Variants in CCDC77 observed in about 807,000 individuals in gnomAD.
CCDC77 encodes the protein coiled-coil domain-containing protein 77.
Under a neutral mutation model 66.8 loss-of-function variants are expected in CCDC77, and 56 were observed. The ratio of observed to expected loss-of-function variants is 0.84; its 90% CI spans 0.68 to 1.05. The LOEUF (loss-of-function observed/expected upper bound fraction) is 1.05, where lower values mean the gene tolerates loss of function less well. Ranked by LOEUF, CCDC77 falls within the 50% of genes least tolerant of loss-of-function variation. The pLI is 0.00. For missense variants in CCDC77, 570 were observed against 576.8 expected (o/e 0.99, Z 0.12); for synonymous variants, 196 against 195.2 (o/e 1.00, Z -0.03).
rs761262422 is a variant in CCDC77 at position 438,321 on chromosome 12, ACTTT to A, written c.822-8_822-5del. 6.3e-7 allele frequency: 1 copy of A among 1,580,560 alleles called. No homozygotes were observed. Among genetic ancestry groups the A allele is most frequent in the Non-Finnish European group, 8.7e-7 (1 of 1,153,936 alleles). On this transcript the variant is annotated splice_polypyrimidine_tract_variant and intron_variant, in intron 9 of 12. Coordinates refer to ENST00000239830, the MANE Select transcript of CCDC77 (RefSeq NM_032358.4). ...TGCGCATCCTCATGTCTGCATTTAT[ACTTT>A]CTTTCCTAGTCTTCACCACACCCAA...
At chr12:440,268 G>A (rs1287470606) in intron 10 of CCDC77, among the ~76,000 whole-genome samples, 2 of 152,194 alleles carry the variant, frequency 1.3e-5, no homozygotes, top group Admixed American at 6.5e-5. Context: ...TATAATAAGC[G>A]TTGTTGTTAA....
chr12:389,548 A>ACGGGGCGAGGCGGGGCGAGG (rs368207242), intron 1 of CCDC77: 32 of 24,338 alleles, frequency 1.3e-3, no homozygotes, highest in African/African-American at 4.5e-3. Flanking sequence ...AGGGAAGCCG[A>ACGGGGCGAGGCGGGGCGAGG]CGGGGCGAGG....
At chr12:409,630 C>T in intron 3 of CCDC77, 1 of 553,886 alleles carries the variant, frequency 1.8e-6, no homozygotes. Context: ...AATCCTCCCA[C>T]CTCAGCCTCC....
At chr12:410,930 T>G (rs1339040536) in intron 3 of CCDC77, among the ~76,000 whole-genome samples, 4 of 152,120 alleles carry the variant, frequency 2.6e-5, no homozygotes, top group African/African-American at 9.7e-5. Context: ...AAATTATCTT[T>G]TTCGTCTCTA....
intron 1 of CCDC77, among the ~76,000 whole-genome samples, chr12:396,415 G>T (rs77565550): frequency 0.037 from 5,631 of 152,148 alleles, 335 homozygotes; most frequent in African/African-American, 0.13. Flanking sequence ...AATAAAAAAG[G>T]AAAAGGAAGA....
rs991352351 is a variant in CCDC77 at position 440,752 on chromosome 12, T to A, written c.1167+10T>A. The A allele has an allele frequency of 6.8e-6, 11 of 1,613,764 alleles. No homozygotes were observed. The African/African-American group carries it at 8.0e-5, about 12-fold the overall frequency. ...GAGAGAGATCTTCAAGGTACGAAAT[T>A]ATCTGCCACTTGTAATGGAATAGGA... On this transcript the variant is annotated intron_variant, in intron 11 of 12. Coordinates refer to ENST00000239830, the MANE Select transcript of CCDC77 (RefSeq NM_032358.4).
chr12:416,984 C>T (rs1450327089), intron 4 of CCDC77, among the ~76,000 whole-genome samples: 1 of 151,834 alleles, frequency 6.6e-6, no homozygotes, highest in Non-Finnish European at 1.5e-5. Context: ...ATTAAAAATA[C>T]AAAAATTAGC....
chr12:396,890 G>A (rs1248380565), upstream of CCDC77, among the ~76,000 whole-genome samples: 1 of 152,110 alleles, frequency 6.6e-6, no homozygotes. Context: ...AAGTTTATAA[G>A]CAGGAGTGTG....
At chr12:415,406 A>ATAT (rs1565568153) in intron 4 of CCDC77, among the ~76,000 whole-genome samples, 24 of 73,896 alleles carry the variant, frequency 3.2e-4, no homozygotes, top group African/African-American at 8.1e-4. Flanking sequence ...AATCAACATA[A>ATAT]TATGTTGATA....
intron 7 of CCDC77, among the ~76,000 whole-genome samples, chr12:431,622 G>A (rs1015476813): frequency 3.9e-5 from 6 of 152,178 alleles, no homozygotes; most frequent in Admixed American, 2.0e-4. Context: ...TCTGCCAGAA[G>A]ATGAATATGA....
upstream of CCDC77, among the ~76,000 whole-genome samples, chr12:398,357 C>CT (rs2137525969): frequency 6.6e-6 from 1 of 152,250 alleles, no homozygotes; most frequent in African/African-American, 2.4e-5. Flanking sequence ...AAAGAAACCA[C>CT]TTTCTTTACT....
intron 1 of CCDC77, among the ~76,000 whole-genome samples, chr12:394,794 G>C (rs1944805336): frequency 6.6e-6 from 1 of 152,176 alleles, no homozygotes; most frequent in African/African-American, 2.4e-5. Flanking sequence ...CTAATGGGGG[G>C]AGGCAGCACA....
At chr12:404,262 G>A (rs1400029646) in intron 1 of CCDC77, among the ~76,000 whole-genome samples, 1 of 152,240 alleles carries the variant, frequency 6.6e-6, no homozygotes, top group Non-Finnish European at 1.5e-5. Context: ...GTTGCAGTGA[G>A]CCAAGATCGT....
chr12:431,978 C>T, intron 8 of CCDC77, 24 bp downstream of exon 8: 3 of 1,481,300 alleles, frequency 2.0e-6, no homozygotes, highest in East Asian at 2.3e-5. Flanking sequence ...TTTGGCAGAC[C>T]AAGATGGCTT....
intron 1 of CCDC77, chr12:390,193 G>A (rs1341887938): frequency 6.8e-6 from 1 of 147,108 alleles, no homozygotes; most frequent in Non-Finnish European, 1.5e-5. Flanking sequence ...ATGTATAATC[G>A]TGTGTCTCTC....
Position 440,973 on chromosome 12 carries a change from G to C in CCDC77, c.1297G>C (p.Asp433His). The C allele has an allele frequency of 6.2e-7, 1 of 1,612,206 alleles. No homozygotes were observed. The highest frequency in any genetic ancestry group is 8.5e-7 in the Non-Finnish European group (1 of 1,180,024). Reference protein sequence around the residue: ...DIKVLRQKLKDLEQMLYKATV... With the variant: ...DIKVLRQKLKHLEQMLYKATV... The stretch of plus-strand genomic sequence containing the variant: ...TAAAGTTCTCCGACAGAAACTGAAA[G>C]ACTTGGAGCAAATGTTGTATAAGGT... Residue 433 changes from aspartate to histidine, a missense_variant, in exon 12 of 13, where the codon GAC becomes CAC. Asp to His is a moderately conservative substitution (Grantham distance 81). Coordinates refer to ENST00000239830, the MANE Select transcript of CCDC77 (RefSeq NM_032358.4).
rs934329918 is a variant in CCDC77 at position 401,677 on chromosome 12, AG to A, written c.-77del. On this transcript the variant is annotated 5_prime_UTR_variant, in exon 1 of 13. In the 5' UTR this introduces an upstream ATG that the reference lacks. Transcript: ENST00000239830. ...GTTGCGTTCCCTGACTCGGAGTCTT[AG>A]TGTGTCGTGAGTATAGAGTTTCGGG... 1.3e-5 allele frequency: 2 copies of A among 152,212 alleles called. No homozygotes were observed. Among genetic ancestry groups the A allele is most frequent in the African/African-American group, 4.8e-5 (2 of 41,424 alleles). 9.4% of individuals were successfully genotyped at this position (152,212 alleles called of 1,614,324 possible).
At chr12:415,101 T>A (rs1591971116) in intron 4 of CCDC77, among the ~76,000 whole-genome samples, 1 of 152,032 alleles carries the variant, frequency 6.6e-6, no homozygotes, top group Admixed American at 6.6e-5. Flanking sequence ...CAGATGGCAG[T>A]GATGCAGCAT....
rs1222622216 is a variant in CCDC77, at chr12:415,281, A to G, written c.271-3213A>G. Among the ~76,000 whole-genome samples, 7 of 143,618 alleles carry G rather than the reference A, an allele frequency of 4.9e-5. No individual in the cohort carries two copies. In the East Asian group the frequency reaches 1.2e-3, roughly 24 times the overall value. The allele number at this position is 143,618 out of a possible 152,430, so 94.2% of individuals were successfully genotyped here. A position where few individuals can be genotyped will look rare whatever the true frequency, so the allele number is the denominator to read the frequency against. On this transcript the variant is annotated intron_variant, in intron 4 of 12. Coordinates refer to ENST00000239830, the MANE Select transcript of CCDC77 (RefSeq NM_032358.4). ...ATTTATTAACATAATTATTAACATA[A>G]TATTATGTTAATATAATCAACATAA...
Sources: gnomAD v4.1 joint callset for allele counts (sites outside exome capture counted in the v4.1 genomes callset) on GRCh38, gnomAD v4.1.1 for gene constraint, MANE v1.5 for transcripts, NCBI Gene and HGNC (gene_info 2026-07-23, HGNC 2026-07-21) for gene names.